The following CARNMT1 variants were observed in gnomAD, a reference collection of about 807,000 sequenced individuals.
CARNMT1 encodes the protein carnosine N-methyltransferase 1.
A neutral mutation model predicts 49.6 loss-of-function variants in CARNMT1; 28 were observed. The ratio of observed to expected loss-of-function variants is 0.56; its 90% CI spans 0.42 to 0.77. The LOEUF is 0.77. CARNMT1 is among the 30% of genes least tolerant of loss of function. The pLI, the probability that CARNMT1 is intolerant of heterozygous loss-of-function variation, is 0.00. For missense variants in CARNMT1, 421 were observed against 512.6 expected (o/e 0.82, Z 1.73); for synonymous variants, 178 against 175.0 (o/e 1.02, Z -0.13).
chr9:74,986,167 T>C (rs887236424), intron 6 of CARNMT1, among the ~76,000 whole-genome samples: 1 of 152,196 alleles, frequency 6.6e-6, no homozygotes, highest in Non-Finnish European at 1.5e-5. Context: ...GGGTTAATTA[T>C]AAATCCTGCA....
intron 3 of CARNMT1, among the ~76,000 whole-genome samples, chr9:75,001,141 T>C (rs918789340): frequency 1.3e-5 from 2 of 152,158 alleles, no homozygotes; most frequent in Non-Finnish European, 1.5e-5. Flanking sequence ...TTTTTAATTA[T>C]CTGATCAAAC....
chr9:74,995,153 T>G lies in CARNMT1; in HGVS notation c.1024+1294A>C, dbSNP rs190878101. On this transcript the variant is annotated intron_variant, in intron 6 of 7. Coordinates refer to ENST00000376834, the MANE Select transcript of CARNMT1 (RefSeq NM_152420.3). Reference sequence around the variant, plus strand: ...AACTCAGTAATGGGGGTCAAAAAATTTAATTATATAAACACAGGGTCATGT... The same window carrying G: ...AACTCAGTAATGGGGGTCAAAAAATGTAATTATATAAACACAGGGTCATGT... Among the ~76,000 whole-genome samples the G allele has an allele frequency of 4.6e-5, 7 of 152,324 alleles. No individual in the cohort carries two copies. In the East Asian group the frequency reaches 1.3e-3, roughly 29 times the overall value.
rs145544914 is a variant in CARNMT1 at position 75,008,801 on chromosome 9, T to G, written c.590+7467A>C. Among the ~76,000 whole-genome samples the G allele has an allele frequency of 1.8e-3, 270 of 152,248 alleles. 1 individual carries two copies. Among genetic ancestry groups the G allele is most frequent in the African/African-American group, 6.4e-3 (264 of 41,540 alleles). The stretch of plus-strand genomic sequence containing the variant: ...ATCCTTAATGAAAATTCCAACAAAC[T>G]TTTTCGCAGAAATGAAAAAACCTGA... On this transcript the variant is annotated intron_variant, in intron 3 of 7. Coordinates refer to ENST00000376834, the MANE Select transcript of CARNMT1 (RefSeq NM_152420.3).
chr9:74,991,083 C>T (rs1832995594), intron 6 of CARNMT1: 1 of 151,880 alleles, frequency 6.6e-6, no homozygotes, highest in Non-Finnish European at 1.5e-5. Flanking sequence ...GACATGCCCA[C>T]TCCAAGAAAT....
At chr9:75,015,755 C>T (rs941129139) in intron 3 of CARNMT1, 2 of 149,864 alleles carry the variant, frequency 1.3e-5, no homozygotes, top group African/African-American at 4.9e-5. Context: ...CACTGCACTC[C>T]AGCCTGGTCA....
At chr9:74,998,261 A>C (rs574117376) in intron 5 of CARNMT1, among the ~76,000 whole-genome samples, 3 of 152,244 alleles carry the variant, frequency 2.0e-5, no homozygotes, top group African/African-American at 4.8e-5. Context: ...CTATTCTCTC[A>C]ACCTTCAAGT....
At chr9:74,983,913 C>G (rs1832750417) in intron 7 of CARNMT1, 45 bp from the exon 8 acceptor site, 1 of 1,348,448 alleles carries the variant, frequency 7.4e-7, no homozygotes, top group Non-Finnish European at 1.0e-6. Flanking sequence ...GTCATCATGA[C>G]CACACCACTA....
At chr9:74,986,541 G>C (rs17701796) in intron 6 of CARNMT1, among the ~76,000 whole-genome samples, 7,339 of 152,278 alleles carry the variant, frequency 0.048, 225 homozygotes, top group Middle Eastern at 0.092. Context: ...TCACAGCAGA[G>C]TCTTTCCAGC....
At chr9:74,988,378 T>C (rs189565105) in intron 6 of CARNMT1, among the ~76,000 whole-genome samples, 1 of 152,348 alleles carries the variant, frequency 6.6e-6, no homozygotes, top group East Asian at 1.9e-4. Flanking sequence ...TGAATATTTA[T>C]CTCCTTGCAG....
At chr9:75,006,425 T>C (rs1411282422) in intron 3 of CARNMT1, among the ~76,000 whole-genome samples, 1 of 152,150 alleles carries the variant, frequency 6.6e-6, no homozygotes, top group Non-Finnish European at 1.5e-5. Context: ...ATGCAGCCTT[T>C]ACTGTGTTTT....
intron 5 of CARNMT1, among the ~76,000 whole-genome samples, chr9:74,997,451 C>G (rs1280634473): frequency 3.3e-5 from 5 of 152,116 alleles, no homozygotes; most frequent in Admixed American, 3.3e-4. Flanking sequence ...AGTACAATTC[C>G]AAGTCCTTGC....
At position 75,021,592 on chromosome 9, in the gene CARNMT1, T is replaced by C. The variant is rs540548487; in HGVS notation, c.231-4144A>G. 1.4e-4 allele frequency among the ~76,000 whole-genome samples: 22 copies of C among 151,844 alleles called. No individual in the cohort carries two copies. In the South Asian group the frequency reaches 4.4e-3, roughly 30 times the overall value. Reference sequence around the variant, plus strand: ...GTACTCAGGAAAGAAGGCCTAATAATTCCTCTTCTAGAGGGAACCACTTCT... The same window carrying C: ...GTACTCAGGAAAGAAGGCCTAATAACTCCTCTTCTAGAGGGAACCACTTCT... On this transcript the variant is annotated intron_variant, in intron 1 of 7. Coordinates refer to ENST00000376834, the MANE Select transcript of CARNMT1 (RefSeq NM_152420.3).
intron 3 of CARNMT1, among the ~76,000 whole-genome samples, chr9:75,003,677 T>C (rs1833427095): frequency 6.6e-6 from 1 of 152,262 alleles, no homozygotes; most frequent in African/African-American, 2.4e-5. Context: ...GATATTTATA[T>C]TGTTTCCAAT....
intron 3 of CARNMT1, among the ~76,000 whole-genome samples, chr9:75,013,744 C>G (rs111854687): frequency 7.9e-5 from 12 of 152,040 alleles, no homozygotes; most frequent in Non-Finnish European, 1.8e-4. Context: ...TGGTTTATGC[C>G]TGTAATCCCA....
At chr9:74,989,091 G>A (rs1832939142) in intron 6 of CARNMT1, among the ~76,000 whole-genome samples, 1 of 152,010 alleles carries the variant, frequency 6.6e-6, no homozygotes, top group Non-Finnish European at 1.5e-5. Context: ...TCTGTATATA[G>A]GTTGTTTACA....
intron 5 of CARNMT1, among the ~76,000 whole-genome samples, chr9:74,997,632 T>G (rs1833225822): frequency 6.6e-6 from 1 of 152,040 alleles, no homozygotes; most frequent in Admixed American, 6.6e-5. Flanking sequence ...CCTTCAAATA[T>G]CTCAGTGGTT....
Position 74,999,759 on chromosome 9 carries a change from C to T in CARNMT1, c.702G>A (p.Met234Ile). 1 of 1,611,298 alleles carries T rather than the reference C, an allele frequency of 6.2e-7. No homozygotes were observed. Among genetic ancestry groups the T allele is most frequent in the Non-Finnish European group, 8.5e-7 (1 of 1,178,652 alleles). ...TGAGTACAAAGTTGGAAGAAAAGAGCATAAAAAAACTCCATTCATTTCCTT... is the reference window on the plus strand; with the variant it reads ...TGAGTACAAAGTTGGAAGAAAAGAGTATAAAAAAACTCCATTCATTTCCTT... ...ACQGNEWSFFMLFSSNFVLNR... is the reference protein window; with the variant it reads ...ACQGNEWSFFILFSSNFVLNR... Residue 234 changes from methionine (M) to isoleucine (I), a missense_variant, in exon 4 of 8, where the codon ATG becomes ATA. Physicochemically the swap from Met to Ile is conservative, Grantham distance 10 (BLOSUM62 1). Coordinates refer to ENST00000376834, the MANE Select transcript of CARNMT1 (RefSeq NM_152420.3).
At chr9:74,997,786 T>C (rs1431917218) in intron 5 of CARNMT1, among the ~76,000 whole-genome samples, 2 of 152,126 alleles carry the variant, frequency 1.3e-5, no homozygotes, top group Non-Finnish European at 2.9e-5. Context: ...CCTTATTTTT[T>C]CTTCCTTACA....
At chr9:74,991,158 T>C (rs937183613) in intron 6 of CARNMT1, 1 of 152,110 alleles carries the variant, frequency 6.6e-6, no homozygotes, top group African/African-American at 2.4e-5. Flanking sequence ...TCTTTTTTTT[T>C]TTCCAGAGGG....
Sources: allele counts gnomAD v4.1 joint callset (sites outside exome capture counted in the v4.1 genomes callset), GRCh38; gene constraint gnomAD v4.1.1; transcripts MANE v1.5; gene names NCBI Gene and HGNC (gene_info 2026-07-23, HGNC 2026-07-21).